CADPS2: variants seen among roughly 807,000 people sequenced by gnomAD.
The protein encoded by CADPS2 is calcium dependent secretion activator 2, also known as calcium-dependent secretion activator 2.
In CADPS2, 93 loss-of-function variants were observed where a neutral mutation model predicts 172.5. The ratio of observed to expected loss-of-function variants is 0.54; its 90% CI spans 0.46 to 0.64. The LOEUF is 0.64. Among genes scored for constraint, CADPS2 ranks in the 30% least tolerant of loss-of-function variants. The pLI is 0.00. For missense variants in CADPS2, 1,420 were observed against 1,565.9 expected, an observed-to-expected ratio of 0.91 and a Z score of 1.57; for synonymous variants, 546 against 555.2, an observed-to-expected ratio of 0.98 and a Z score of 0.23.
intron 1 of CADPS2, among the ~76,000 whole-genome samples, chr7:122,834,105 G>C (rs1171060770): frequency 2.0e-5 from 3 of 152,192 alleles, no homozygotes; most frequent in Non-Finnish European, 4.4e-5. Context: ...GTTCAGGAAG[G>C]TGTGCCCTTT....
intron 17 of CADPS2, among the ~76,000 whole-genome samples, chr7:122,417,483 TGA>T (rs1375515208): frequency 9.2e-5 from 14 of 152,200 alleles, no homozygotes; most frequent in Non-Finnish European, 1.5e-4. Context: ...GAAGGCAGTA[TGA>T]GACACACTTC....
At chr7:122,439,124 T>C (rs945471133) in intron 16 of CADPS2, among the ~76,000 whole-genome samples, 8 of 152,178 alleles carry the variant, frequency 5.3e-5, no homozygotes, top group African/African-American at 1.9e-4. Flanking sequence ...TTATTCTCTG[T>C]TGGGCTCCTA....
chr7:122,645,516 A>ATATATATAAGTATATATATATATATACT (rs1563950574), intron 3 of CADPS2, among the ~76,000 whole-genome samples: 1 of 29,350 alleles, frequency 3.4e-5, no homozygotes, highest in East Asian at 2.7e-3. Flanking sequence ...ATATATACTT[A>ATATATATAAGTATATATATATATATACT]TATATATATA....
chr7:122,572,643 C>T (rs1298228389), intron 7 of CADPS2, among the ~76,000 whole-genome samples: 5 of 152,094 alleles, frequency 3.3e-5, no homozygotes, highest in Non-Finnish European at 5.9e-5. Context: ...ATGGAAAATG[C>T]ATTGCCCACA....
At chr7:122,828,648 G>A (rs901581999) in intron 1 of CADPS2, among the ~76,000 whole-genome samples, 1 of 152,002 alleles carries the variant, frequency 6.6e-6, no homozygotes, top group Non-Finnish European at 1.5e-5. Flanking sequence ...CTTCTTCCTG[G>A]TTCTCTAAGA....
intron 2 of CADPS2, among the ~76,000 whole-genome samples, chr7:122,685,308 G>T (rs1373264480): frequency 6.6e-6 from 1 of 152,208 alleles, no homozygotes; most frequent in African/African-American, 2.4e-5. Context: ...TTGTTTCCAA[G>T]TGGCAATGCT....
chr7:122,886,121 G>T lies in CADPS2; in HGVS notation c.217C>A (p.Arg73=). 4 of 1,560,714 alleles carry T rather than the reference G, an allele frequency of 2.6e-6. No homozygotes were observed. Among genetic ancestry groups the T allele is most frequent in the Non-Finnish European group, 2.6e-6 (3 of 1,153,302 alleles). ...VLSEGRDEPQ[R]QLDDEQERRI... ...CGCTCCTGCTCATCGTCCAGCTGCCGCTGGGGCTCGTCTCGCCCCTCGCTG... is the reference window on the plus strand; with the variant it reads ...CGCTCCTGCTCATCGTCCAGCTGCCTCTGGGGCTCGTCTCGCCCCTCGCTG... The change falls in exon 1 of 30, where the codon CGG becomes AGG. Residue 73 remains arginine (R), a synonymous_variant. Transcript: ENST00000449022.
chr7:122,458,035 TGAGCAAATGACAAA>T (rs1305335270), intron 14 of CADPS2, among the ~76,000 whole-genome samples: 45 of 152,362 alleles, frequency 3.0e-4, no homozygotes, highest in African/African-American at 1.0e-3. Context: ...AAGCAATGCA[TGAGCAAATGACAAA>T]GTTCATGGTG....
chr7:122,573,199 C>A (rs2132580713), intron 7 of CADPS2, among the ~76,000 whole-genome samples: 1 of 152,180 alleles, frequency 6.6e-6, no homozygotes, highest in East Asian at 1.9e-4. Context: ...CCTTGGCATA[C>A]CCCAAACCAA....
chr7:122,557,377 C>T (rs2065161257), intron 7 of CADPS2, among the ~76,000 whole-genome samples: 1 of 152,120 alleles, frequency 6.6e-6, no homozygotes, highest in South Asian at 2.1e-4. Context: ...ACTTCCTTGG[C>T]AGGGTGTCTT....
At chr7:122,437,230 G>A (rs549945544) in intron 17 of CADPS2, among the ~76,000 whole-genome samples, 1 of 152,194 alleles carries the variant, frequency 6.6e-6, no homozygotes, top group Admixed American at 6.6e-5. Context: ...AATTAATGAA[G>A]TTAAAATGGT....
intron 1 of CADPS2, among the ~76,000 whole-genome samples, chr7:122,810,629 C>T (rs188987323): frequency 8.5e-5 from 13 of 152,204 alleles, no homozygotes; most frequent in East Asian, 3.9e-4. Context: ...ACCATTTATT[C>T]GCAGGATTTT....
chr7:122,345,384 G>T (rs529519828), intron 28 of CADPS2, among the ~76,000 whole-genome samples, 190 bp downstream of exon 28: 2 of 151,836 alleles, frequency 1.3e-5, no homozygotes, highest in Non-Finnish European at 2.9e-5. Context: ...CTGATCCACC[G>T]GTCTCAGCCT....
intron 8 of CADPS2, among the ~76,000 whole-genome samples, chr7:122,526,316 T>A (rs957546399): frequency 1.3e-5 from 2 of 151,962 alleles, no homozygotes; most frequent in Non-Finnish European, 2.9e-5. Context: ...CTCAGCCTCC[T>A]GAGTAGCTGG....
chr7:122,398,523 T>C (rs1481868492), intron 20 of CADPS2, among the ~76,000 whole-genome samples: 1 of 152,112 alleles, frequency 6.6e-6, no homozygotes. Flanking sequence ...TCAACAGACT[T>C]TGCCATAAAA....
At chr7:122,395,955 G>C (rs565014979) in intron 20 of CADPS2, among the ~76,000 whole-genome samples, 1 of 151,954 alleles carries the variant, frequency 6.6e-6, no homozygotes, top group Non-Finnish European at 1.5e-5. Context: ...GATTATAGGC[G>C]CATGCCACCA....
chr7:122,734,822 G>A (rs966652833), intron 2 of CADPS2, among the ~76,000 whole-genome samples: 3 of 152,032 alleles, frequency 2.0e-5, no homozygotes, highest in East Asian at 3.9e-4. Context: ...TCCATAATGA[G>A]CATCACAAAT....
At chr7:122,864,643 T>G (rs1301996034) in intron 1 of CADPS2, among the ~76,000 whole-genome samples, 1 of 152,112 alleles carries the variant, frequency 6.6e-6, no homozygotes, top group Non-Finnish European at 1.5e-5. Flanking sequence ...CAGCAAGAAA[T>G]GCAGGGCCAT....
At chr7:122,347,171 A>G (rs1233107464) in intron 27 of CADPS2, among the ~76,000 whole-genome samples, 1 of 152,192 alleles carries the variant, frequency 6.6e-6, no homozygotes, top group African/African-American at 2.4e-5. Context: ...TAGGTTAAAG[A>G]GGATATGGGT....
Sources: gnomAD v4.1 joint callset for allele counts (sites outside exome capture counted in the v4.1 genomes callset) on GRCh38, gnomAD v4.1.1 for gene constraint, MANE v1.5 for transcripts, NCBI Gene and HGNC (gene_info 2026-07-23, HGNC 2026-07-21) for gene names.